Variants in IRX1 observed in about 807,000 individuals in gnomAD.
IRX1 encodes iroquois homeobox 1, also known as iroquois-class homeodomain protein IRX-1.
Under a neutral mutation model 34.1 loss-of-function variants are expected in IRX1, and 22 were observed. The ratio of observed to expected loss-of-function variants is 0.64; its 90% confidence interval spans 0.46 to 0.92. The LOEUF (loss-of-function observed/expected upper bound fraction) is 0.92. Among genes scored for constraint, IRX1 ranks in the 40% least tolerant of loss-of-function variants. The pLI, the probability that IRX1 is intolerant of heterozygous loss-of-function variation, is 0.00. For missense variants in IRX1, 758 were observed against 680.0 expected (o/e 1.11, Z -1.28); for synonymous variants, 363 against 319.0 (o/e 1.14, Z -1.47).
rs1295429934 is a variant in IRX1 at position 3,595,947 on chromosome 5, C to A, written c.-159C>A. 3 of 265,518 alleles carry A rather than the reference C, an allele frequency of 1.1e-5. No homozygotes were observed. Among genetic ancestry groups the A allele is most frequent in the East Asian group, 3.1e-4 (2 of 6,520 alleles). The allele number at this position is 265,518 out of a possible 1,614,324, so 16.4% of individuals were successfully genotyped here. A position where few individuals can be genotyped will look rare whatever the true frequency, so the allele number is the denominator to read the frequency against. On this transcript the variant is annotated 5_prime_UTR_variant, in exon 1 of 4. Coordinates refer to ENST00000302006, the MANE Select transcript of IRX1 (RefSeq NM_024337.4). Reference sequence around the variant, plus strand: ...CGAGCACCGGGCAGAGGAGCCGCGACCGGCCTCCATCTCCCGGCCCGCCCG... The same window carrying A: ...CGAGCACCGGGCAGAGGAGCCGCGAACGGCCTCCATCTCCCGGCCCGCCCG...
Position 3,596,139 on chromosome 5 carries a change from C to G in IRX1, c.34C>G (p.Leu12Val), listed in dbSNP as rs1743684651. The change falls in exon 1 of 4, where the codon CTG (leucine) becomes GTG (valine). Residue 12 changes from leucine (L) to valine (V), a missense_variant. Transcript: ENST00000302006. ...CCCGCAGCTGGGCTACCCGCAGTAC[C>G]TGAGCGCCGCGGGGCCGGGCGCCTA... ...SFPQLGYPQY[L>V]SAAGPGAYGG... 4 of 1,042,266 alleles carry G rather than the reference C, an allele frequency of 3.8e-6. No individual in the cohort carries two copies. Among genetic ancestry groups the G allele is most frequent in the Non-Finnish European group, 4.6e-6 (4 of 868,248 alleles). The allele number at this position is 1,042,266 out of a possible 1,614,324, so 64.6% of individuals were successfully genotyped here.
At chr5:3,600,369 C>T (rs914540381) in intron 2 of IRX1, 109 bp downstream of exon 2, 2 of 1,130,308 alleles carry the variant, frequency 1.8e-6, no homozygotes, top group Non-Finnish European at 2.4e-6. Flanking sequence ...AGGCAGTGGC[C>T]GCTGAGCCCT....
At position 3,599,989 on chromosome 5, in the gene IRX1, C is replaced by A. The variant is rs764414236; in HGVS notation, c.1041C>A (p.Ser347=). 6.6e-7 allele frequency: 1 copy of A among 1,515,762 alleles called. No individual in the cohort carries two copies. The highest frequency in any genetic ancestry group is 1.4e-5 in the African/African-American group (1 of 72,296). 93.9% of individuals were successfully genotyped at this position (1,515,762 alleles called of 1,614,324 possible). Residue 347 remains serine, a synonymous_variant, in exon 2 of 4, where the codon TCC becomes TCA. Transcript: ENST00000302006. This position sits in a 1 kb window ranked among gnomAD's most constrained non-coding sequence, Gnocchi z 6.6. ...GCCACCCCGGCGCGCACGGGCCCTC[C>A]GCCGGGGCGCCGCTGCAACACCCCG... The part of the protein sequence containing the change: ...PAGHPGAHGP[S]AGAPLQHPAF...
Position 3,601,115 on chromosome 5 carries a change from G to T in IRX1, c.*75G>T. On this transcript the variant is annotated 3_prime_UTR_variant, in exon 4 of 4. Transcript: ENST00000302006. ...AGGGAGGGAATGTGGGAGGAATTAAGACAAATATTTCAGACTGGTGTAAAG... is the reference window on the plus strand; with the variant it reads ...AGGGAGGGAATGTGGGAGGAATTAATACAAATATTTCAGACTGGTGTAAAG... 7.6e-7 allele frequency: 1 copy of T among 1,321,748 alleles called. No individual in the cohort carries two copies. The highest frequency in any genetic ancestry group is 1.2e-5 in the South Asian group (1 of 83,020). 81.9% of individuals were successfully genotyped at this position (1,321,748 alleles called of 1,614,324 possible).
At position 3,599,609 on chromosome 5, in the gene IRX1, G is replaced by A. The variant is rs2111297921; in HGVS notation, c.661G>A (p.Glu221Lys). Residue 221 changes from glutamate to lysine, a missense_variant, in exon 2 of 4, where the codon GAG becomes AAG. By Grantham distance (56) the Glu-to-Lys change is moderately conservative. Coordinates refer to ENST00000302006, the MANE Select transcript of IRX1 (RefSeq NM_024337.4). This position sits in a 1 kb window ranked among gnomAD's most constrained non-coding sequence, Gnocchi z 6.6. ...EGDPEKAEDD[E>K]EIDLESIDID... ...CGACCCGGAGAAGGCCGAGGACGAC[G>A]AGGAGATCGACCTGGAAAGCATCGA... The A allele has an allele frequency of 2.5e-6, 4 of 1,614,038 alleles. No individual in the cohort carries two copies. Among genetic ancestry groups the A allele is most frequent in the Non-Finnish European group, 3.4e-6 (4 of 1,180,024 alleles).
Position 3,600,205 on chromosome 5 carries a change from C to T in IRX1, c.1257C>T (p.Ala419=). 1.2e-6 allele frequency: 2 copies of T among 1,611,124 alleles called. No individual in the cohort carries two copies. Among genetic ancestry groups the T allele is most frequent in the Non-Finnish European group, 1.7e-6 (2 of 1,179,242 alleles). Residue 419 remains alanine (A), a synonymous_variant, in exon 2 of 4, where the codon GCC becomes GCT. Coordinates refer to ENST00000302006, the MANE Select transcript of IRX1 (RefSeq NM_024337.4). ...CACCGCAGCCGCCGGTCGCTATTGC[C>T]CCGGGGGCACTCAATGGAGACAAGG... ...PPPPQPPVAI[A]PGALNGDKAS... is the part of the protein sequence containing the mutation.
At chr5:3,596,978 G>A (rs115461479) in intron 1 of IRX1, among the ~76,000 whole-genome samples, 1 of 152,176 alleles carries the variant, frequency 6.6e-6, no homozygotes, top group Non-Finnish European at 1.5e-5. Flanking sequence ...TCTCCACGGC[G>A]TGAGTGCGAA....
chr5:3,596,519 G>A (rs1246753614), intron 1 of IRX1, 138 bp downstream of exon 1: 3 of 895,386 alleles, frequency 3.4e-6, no homozygotes, highest in African/African-American at 1.8e-5. Context: ...GCAGGTTCCC[G>A]GTGGCCGAGG....
chr5:3,600,313 G>C (rs1421364891), intron 2 of IRX1, 53 bp downstream of exon 2: 1 of 1,458,926 alleles, frequency 6.9e-7, no homozygotes, highest in Non-Finnish European at 9.1e-7. Flanking sequence ...GCAGAGGCCT[G>C]GCTAGGTGTG....
At position 3,600,918 on chromosome 5, in the gene IRX1, G is replaced by T. The variant is rs1733949189; in HGVS notation, c.1386-65G>T. 6.5e-6 allele frequency: 10 copies of T among 1,529,418 alleles called. No homozygotes were observed. The East Asian group carries it at 2.0e-4, about 31-fold the overall frequency. 94.7% of individuals were successfully genotyped at this position (1,529,418 alleles called of 1,614,324 possible). On this transcript the variant is annotated intron_variant, in intron 3 of 3. Coordinates refer to ENST00000302006, the MANE Select transcript of IRX1 (RefSeq NM_024337.4). ...GGGCTCCGCTACTGGAACCGGCGTC[G>T]CCCGGCGCTGCGTCCCCCACTCACA... is the stretch of plus-strand genomic sequence containing the variant.
At chr5:3,600,493 G>C (rs1172096683) in intron 2 of IRX1, 116 bp from the exon 3 acceptor site, 26 of 997,804 alleles carry the variant, frequency 2.6e-5, no homozygotes, top group Non-Finnish European at 3.6e-5. Context: ...TGGGGTGAGG[G>C]GTGACGTTTT....
chr5:3,598,929 C>CTCT (rs1733866943), intron 1 of IRX1, among the ~76,000 whole-genome samples: 1 of 152,144 alleles, frequency 6.6e-6, no homozygotes, highest in Non-Finnish European at 1.5e-5. Context: ...CTGGAGAGTG[C>CTCT]ACTGTTTGTG....
rs940179638 is a variant in IRX1 at position 3,601,176 on chromosome 5, G to A, written c.*136G>A. On this transcript the variant is annotated 3_prime_UTR_variant, in exon 4 of 4. Transcript: ENST00000302006. ...ACAACGACGTCAAGGACTCGCATCC[G>A]TCGCTTTCTGCAGAAAGGGGCTTCT... 1 of 850,268 alleles carries A rather than the reference G, an allele frequency of 1.2e-6. No homozygotes were observed. Among genetic ancestry groups the A allele is most frequent in the Non-Finnish European group, 1.9e-6 (1 of 529,086 alleles). The allele number at this position is 850,268 out of a possible 1,614,324, so 52.7% of individuals were successfully genotyped here.
intron 2 of IRX1, 98 bp from the exon 3 acceptor site, chr5:3,600,511 A>G: frequency 1.7e-6 from 2 of 1,174,454 alleles, no homozygotes; most frequent in South Asian, 1.4e-5. Flanking sequence ...TTTTCGGCGA[A>G]TCTGCCTGGG....
At chr5:3,598,616 C>T (rs999927326) in intron 1 of IRX1, among the ~76,000 whole-genome samples, 2 of 152,068 alleles carry the variant, frequency 1.3e-5, no homozygotes, top group Non-Finnish European at 2.9e-5. Flanking sequence ...GTGGGTAAAC[C>T]ATTATATGCA....
intron 1 of IRX1, among the ~76,000 whole-genome samples, chr5:3,596,789 C>T (rs1295637486): frequency 6.6e-6 from 1 of 152,108 alleles, no homozygotes; most frequent in Non-Finnish European, 1.5e-5. Context: ...CCTTCCTGGC[C>T]GCGGGTTCCA....
chr5:3,598,517 A>T (rs34949268), intron 1 of IRX1, among the ~76,000 whole-genome samples: 1 of 50,270 alleles, frequency 2.0e-5, no homozygotes. Context: ...CTTTTGTATT[A>T]AAAAAAAAAA....
Position 3,599,252 on chromosome 5 carries a change from C to G in IRX1, c.304C>G (p.Pro102Ala), listed in dbSNP as rs761988905. 6.8e-6 allele frequency: 11 copies of G among 1,613,820 alleles called. No individual in the cohort carries two copies. In the East Asian group the frequency reaches 8.9e-5, roughly 13 times the overall value. ...CTCGCAGTATGAACTGAAGGACAAC[C>G]CTGGGGTGCACCCCGCCACCTTCGC... ...MGSQYELKDN[P>A]GVHPATFAAH... The change falls in exon 2 of 4, where the codon CCT becomes GCT. Residue 102 changes from proline to alanine, a missense_variant. By Grantham distance (27) the Pro-to-Ala change is conservative. Coordinates refer to ENST00000302006, the MANE Select transcript of IRX1 (RefSeq NM_024337.4). This position sits in a 1 kb window ranked among gnomAD's most constrained non-coding sequence, Gnocchi z 6.6.
rs550036766 is a variant in IRX1, at chr5:3,598,273, C to T, written c.277-952C>T. Among the ~76,000 whole-genome samples the T allele has an allele frequency of 3.3e-5, 5 of 152,240 alleles. 1 individual carries two copies. In the South Asian group the frequency reaches 1.0e-3, roughly 32 times the overall value. ...GATAAAATGTTATTTACCAAAAAAC[C>T]TGATGGGATAATTTGACTTGCTGTG... On this transcript the variant is annotated intron_variant, in intron 1 of 3. Transcript: ENST00000302006.
Sources: gnomAD v4.1 joint callset for allele counts (sites outside exome capture counted in the v4.1 genomes callset) on GRCh38, gnomAD v4.1.1 for gene constraint, Gnocchi (gnomAD v3.1) non-coding constraint, MANE v1.5 for transcripts, NCBI Gene and HGNC (gene_info 2026-07-23, HGNC 2026-07-21) for gene names.